CHD4: variants seen among roughly 807,000 people sequenced by gnomAD.
CHD4 encodes the protein chromodomain helicase DNA binding protein 4, also known as ATP-dependent chromatin remodeler CHD4.
In CHD4, 35 loss-of-function variants were observed where a neutral mutation model predicts 235.5. That is an observed-to-expected ratio of 0.15 (90% confidence interval 0.11 to 0.20). CHD4 has a LOEUF of 0.20. Among genes scored for constraint, CHD4 ranks in the 10% least tolerant of loss-of-function variants. The pLI, the probability that CHD4 is intolerant of heterozygous loss-of-function variation, is 1.00. For synonymous variants in CHD4, 900 were observed against 850.2 expected, an observed-to-expected ratio of 1.06 and a Z score of -1.02; for missense variants, 1,329 against 2,432.3, an observed-to-expected ratio of 0.55 and a Z score of 9.54.
intron 25 of CHD4, chr12:6,587,162 G>A (rs1948313353): frequency 1.8e-6 from 1 of 549,178 alleles, no homozygotes; most frequent in Admixed American, 3.4e-5. Context: ...CAAAATAACT[G>A]TTGTGAGCAT....
chr12:6,571,161 C>T, intron 38 of CHD4, 129 bp from the exon 39 acceptor site: 4 of 1,082,338 alleles, frequency 3.7e-6, no homozygotes, highest in Non-Finnish European at 5.3e-6. Context: ...TGTCATCTGA[C>T]CTGACCTCCA....
intron 37 of CHD4, among the ~76,000 whole-genome samples, chr12:6,577,091 C>T (rs930942096): frequency 1.3e-5 from 2 of 152,136 alleles, no homozygotes; most frequent in African/African-American, 2.4e-5. Flanking sequence ...CGTGAGCCAC[C>T]GCACCTGGCC....
At chr12:6,576,043 C>T (rs891331852) in intron 37 of CHD4, among the ~76,000 whole-genome samples, 2 of 151,946 alleles carry the variant, frequency 1.3e-5, no homozygotes, top group African/African-American at 4.8e-5. Flanking sequence ...AATTCCCTCT[C>T]GAGAACTTTT....
In CHD4 at chr12:6,570,193, TC is replaced by T. The variant is rs1947934895; in HGVS notation, c.*482del. 1 of 157,030 alleles carries T rather than the reference TC, an allele frequency of 6.4e-6. No individual in the cohort carries two copies. Among genetic ancestry groups the T allele is most frequent in the East Asian group, 1.9e-4 (1 of 5,350 alleles). The allele number at this position is 157,030 out of a possible 1,614,324, so 9.7% of individuals were successfully genotyped here. A position where few individuals can be genotyped will look rare whatever the true frequency, so the allele number is the denominator to read the frequency against. On this transcript the variant is annotated 3_prime_UTR_variant, in exon 40 of 40. Coordinates refer to ENST00000544040, the MANE Select transcript of CHD4 (RefSeq NM_001273.5). ...TTTCCACTTTATTTCATTTAGCCGC[TC>T]AGTGGCTAGAGCCGCTGGGTTCCTG...
Position 6,599,780 on chromosome 12 carries a change from C to A in CHD4, c.1475G>T (p.Arg492Leu). Reference sequence around the variant, plus strand: ...CTGAGATCAGTCACTCACCGTACAACGGGGACAGAGCCATTCACCGTTGGG... The same window carrying A: ...CTGAGATCAGTCACTCACCGTACAAAGGGGACAGAGCCATTCACCGTTGGG... ...EIPNGEWLCP[R>L]CTCPALKGKV... Residue 492 changes from arginine (R) to leucine (L), a missense_variant, in exon 10 of 40, where the codon CGT becomes CTT. Coordinates refer to ENST00000544040, the MANE Select transcript of CHD4 (RefSeq NM_001273.5). 6.2e-7 allele frequency: 1 copy of A among 1,614,116 alleles called. No individual in the cohort carries two copies. The highest frequency in any genetic ancestry group is 8.5e-7 in the Non-Finnish European group (1 of 1,180,026).
chr12:6,579,178 G>A (rs534024969), intron 33 of CHD4: 13 of 408,674 alleles, frequency 3.2e-5, no homozygotes, highest in East Asian at 1.6e-4. Context: ...AGCTGGGTGC[G>A]GTGGCTCATG....
intron 38 of CHD4, 34 bp downstream of exon 38, chr12:6,573,040 C>G (rs200098896): frequency 1.3e-6 from 2 of 1,577,926 alleles, no homozygotes; most frequent in East Asian, 2.3e-5. Flanking sequence ...TCAGGGAGGC[C>G]GAATCGGCAG....
chr12:6,582,398 G>T, intron 29 of CHD4, 117 bp from the exon 30 acceptor site: 1 of 1,342,918 alleles, frequency 7.4e-7, no homozygotes, highest in Non-Finnish European at 1.0e-6. Flanking sequence ...TTGAGGTAAA[G>T]CCCACCACTG....
In CHD4 at chr12:6,595,267, T is replaced by A. The variant is rs191104299; in HGVS notation, c.2121+67A>T. ...TGCATTTCATTACTTAAGAGTACCA[T>A]CATTAGACTGCAGCAAAGATACATT... On this transcript the variant is annotated intron_variant, in intron 14 of 39. Transcript: ENST00000544040. The A allele has an allele frequency of 1.6e-4, 218 of 1,323,858 alleles. 3 individuals carry two copies. In the East Asian group the frequency reaches 3.0e-3, roughly 18 times the overall value. The allele number at this position is 1,323,858 out of a possible 1,614,324, so 82.0% of individuals were successfully genotyped here. A position where few individuals can be genotyped will look rare whatever the true frequency, so the allele number is the denominator to read the frequency against.
At chr12:6,583,137 G>A in intron 26 of CHD4, 24 bp from the exon 27 acceptor site, 1 of 1,417,884 alleles carries the variant, frequency 7.1e-7, no homozygotes, top group Non-Finnish European at 9.5e-7. Flanking sequence ...GGGCAGATGA[G>A]CGGGGCCCAC....
chr12:6,570,664 C>T lies in CHD4; in HGVS notation c.*12G>A. On this transcript the variant is annotated 3_prime_UTR_variant, in exon 40 of 40. Coordinates refer to ENST00000544040, the MANE Select transcript of CHD4 (RefSeq NM_001273.5). The stretch of plus-strand genomic sequence containing the variant: ...CACTGCTCAGCGGTGGAGGTGGTAT[C>T]AGTCTGCATCTTCACTGCTGCTGGG... The T allele has an allele frequency of 1.9e-6, 3 of 1,614,144 alleles. No individual in the cohort carries two copies. The highest frequency in any genetic ancestry group is 1.7e-6 in the Non-Finnish European group (2 of 1,180,020).
In CHD4 at chr12:6,570,504, C is replaced by A; in HGVS notation, c.*172G>T. ...GCATGTCTCTTCTGCAGGAAGGGCA[C>A]CACTGCCCCTCACTCCCTCCCCTCC... is the stretch of plus-strand genomic sequence containing the variant. On this transcript the variant is annotated 3_prime_UTR_variant, in exon 40 of 40. Transcript: ENST00000544040. 2.7e-6 allele frequency: 2 copies of A among 730,586 alleles called. No homozygotes were observed. The highest frequency in any genetic ancestry group is 1.8e-5 in the South Asian group (1 of 54,536). The allele number at this position is 730,586 out of a possible 1,614,324, so 45.3% of individuals were successfully genotyped here.
intron 12 of CHD4, 84 bp downstream of exon 12, chr12:6,597,810 G>A: frequency 8.2e-7 from 1 of 1,220,394 alleles, no homozygotes; most frequent in Non-Finnish European, 1.2e-6. Flanking sequence ...CCAAGTCTAA[G>A]TTACTGGTGA....
At chr12:6,590,798 TCGGCA>T (rs937707016) in intron 22 of CHD4, among the ~76,000 whole-genome samples, 2 of 152,064 alleles carry the variant, frequency 1.3e-5, no homozygotes, top group Non-Finnish European at 2.9e-5. Flanking sequence ...CTCTCCAGCC[TCGGCA>T]ACAGAGTGAG....
At chr12:6,594,284 T>C (rs992573783) in intron 15 of CHD4, among the ~76,000 whole-genome samples, 175 bp downstream of exon 15, 1 of 152,224 alleles carries the variant, frequency 6.6e-6, no homozygotes, top group African/African-American at 2.4e-5. Context: ...TTATCCACTA[T>C]CACATTTATC....
rs202019064 is a variant in CHD4 at position 6,570,887 on chromosome 12, G to A, written c.5703C>T (p.Pro1901=). Residue 1901 remains proline, a synonymous_variant, in exon 39 of 40, where the codon CCC becomes CCT. Transcript: ENST00000544040. ...GTCCTACCTGCTGTGGGGTAGGTTCGGGTGCCCGGTTTGCCAGGCGGCTGA... is the reference window on the plus strand; with the variant it reads ...GTCCTACCTGCTGTGGGGTAGGTTCAGGTGCCCGGTTTGCCAGGCGGCTGA... The part of the protein sequence containing the change: ...NILSRLANRA[P]EPTPQQVAQQ... 5.4e-5 allele frequency: 87 copies of A among 1,614,164 alleles called. No individual in the cohort carries two copies. Among genetic ancestry groups the A allele is most frequent in the East Asian group, 3.8e-4 (17 of 44,882 alleles).
chr12:6,593,262 A>C lies in CHD4; in HGVS notation c.2515-34T>G. The stretch of plus-strand genomic sequence containing the variant: ...GAAGGCAACTTGGTCACTACTAGTC[A>C]GTTCCTCTGTGTAAGCACAACCAGG... On this transcript the variant is annotated intron_variant, in intron 16 of 39. Coordinates refer to ENST00000544040, the MANE Select transcript of CHD4 (RefSeq NM_001273.5). This position sits in a 1 kb window ranked among gnomAD's most constrained non-coding sequence, Gnocchi z 4.9. 6.2e-7 allele frequency: 1 copy of C among 1,613,522 alleles called. No individual in the cohort carries two copies. Among genetic ancestry groups the C allele is most frequent in the Non-Finnish European group, 8.5e-7 (1 of 1,179,786 alleles).
Position 6,595,882 on chromosome 12 carries a change from AG to A in CHD4, c.2024+123del, listed in dbSNP as rs1196340778. 38 of 1,060,224 alleles carry A rather than the reference AG, an allele frequency of 3.6e-5. 1 individual carries two copies. Among genetic ancestry groups the A allele is most frequent in the South Asian group, 1.4e-4 (8 of 58,368 alleles). 65.7% of individuals were successfully genotyped at this position (1,060,224 alleles called of 1,614,324 possible). The stretch of plus-strand genomic sequence containing the variant: ...CTAAGGCAGGAGAATCGTTTGAACC[AG>A]GAAGTCGGAGGTTGCAGTGAGTCAA... On this transcript the variant is annotated intron_variant, in intron 13 of 39. Transcript: ENST00000544040.
At chr12:6,601,601 GA>G in intron 5 of CHD4, 46 bp downstream of exon 5, 1 of 1,613,278 alleles carries the variant, frequency 6.2e-7, no homozygotes, top group Non-Finnish European at 8.5e-7. Context: ...TAAGAAGAGA[GA>G]ACAGAAAGAT....
Sources: gnomAD v4.1 joint callset for allele counts (sites outside exome capture counted in the v4.1 genomes callset) on GRCh38, gnomAD v4.1.1 for gene constraint, Gnocchi (gnomAD v3.1) non-coding constraint, MANE v1.5 for transcripts, NCBI Gene and HGNC (gene_info 2026-07-23, HGNC 2026-07-21) for gene names.